PDE4B: variants seen among roughly 807,000 people sequenced by gnomAD.
The protein encoded by PDE4B is 3',5'-cyclic-AMP phosphodiesterase 4B.
A neutral mutation model predicts 82.2 loss-of-function variants in PDE4B; 20 were observed. That is an observed-to-expected ratio of 0.24 (90% CI 0.17 to 0.35). The LOEUF (loss-of-function observed/expected upper bound fraction) is 0.35, where lower values mean the gene tolerates loss of function less well. Among genes scored for constraint, PDE4B ranks in the 10% least tolerant of loss-of-function variants. PDE4B has a pLI of 1.00. For synonymous variants in PDE4B, 320 were observed against 318.9 expected (o/e 1.00, Z -0.04); for missense variants, 655 against 907.2 (o/e 0.72, Z 3.57).
chr1:66,131,136 CAA>C (rs1356342006), intron 3 of PDE4B, among the ~76,000 whole-genome samples: 15 of 152,054 alleles, frequency 9.9e-5, no homozygotes, highest in Admixed American at 7.2e-4. Flanking sequence ...CAAAATTAGT[CAA>C]AAGTGTTGTG....
chr1:65,885,401 C>T (rs1646761885), intron 1 of PDE4B, among the ~76,000 whole-genome samples: 1 of 152,124 alleles, frequency 6.6e-6, no homozygotes, highest in African/African-American at 2.4e-5. Context: ...GCTATAAAGA[C>T]ACATGCACAC....
intron 3 of PDE4B, among the ~76,000 whole-genome samples, chr1:66,048,120 G>T (rs145864429): frequency 6.6e-6 from 1 of 151,926 alleles, no homozygotes; most frequent in Non-Finnish European, 1.5e-5. Flanking sequence ...GAAAGCTCAC[G>T]GTTCTCTCAT....
intron 1 of PDE4B, among the ~76,000 whole-genome samples, chr1:65,875,848 G>A (rs1646634851): frequency 6.6e-6 from 1 of 151,596 alleles, no homozygotes; most frequent in Admixed American, 6.6e-5. Context: ...TATACCTAAT[G>A]TTGGATGACG....
intron 3 of PDE4B, among the ~76,000 whole-genome samples, chr1:65,983,026 C>A (rs1414368939): frequency 6.6e-6 from 1 of 152,126 alleles, no homozygotes; most frequent in Non-Finnish European, 1.5e-5. Context: ...TTCATGGGCC[C>A]AAAGGACAGA....
chr1:66,096,508 T>TTATATATA (rs4068855), intron 3 of PDE4B, among the ~76,000 whole-genome samples: 1,701 of 107,068 alleles, frequency 0.016, 41 homozygotes, highest in South Asian at 0.019. Flanking sequence ...GTAAAAAAAA[T>TTATATATA]TATATATATA....
At chr1:65,851,417 A>G (rs1433936153) in intron 1 of PDE4B, among the ~76,000 whole-genome samples, 1 of 152,072 alleles carries the variant, frequency 6.6e-6, no homozygotes, top group East Asian at 1.9e-4. Flanking sequence ...GACTCTATAG[A>G]TAAATTTAAA....
intron 7 of PDE4B, chr1:66,266,837 TC>T (rs1469492271): frequency 2.6e-6 from 1 of 386,682 alleles, no homozygotes; most frequent in African/African-American, 2.1e-5. Flanking sequence ...CTAAATCTGT[TC>T]CCTACTAATG....
intron 3 of PDE4B, among the ~76,000 whole-genome samples, chr1:66,096,509 T>TATATATATATATATATATATATA (rs1557557782): frequency 9.2e-3 from 28 of 3,052 alleles, no homozygotes; most frequent in African/African-American, 0.014. Flanking sequence ...TAAAAAAAAT[T>TATATATATATATATATATATATA]ATATATATAT....
intron 3 of PDE4B, among the ~76,000 whole-genome samples, chr1:66,133,215 T>C (rs1400468558): frequency 1.3e-5 from 2 of 152,196 alleles, no homozygotes; most frequent in African/African-American, 4.8e-5. Flanking sequence ...TACAGTGCTA[T>C]TCACATTTTC....
chr1:66,259,194 G>C (rs951158581), intron 6 of PDE4B, among the ~76,000 whole-genome samples: 1 of 151,908 alleles, frequency 6.6e-6, no homozygotes, highest in African/African-American at 2.4e-5. Context: ...TATTTATTTA[G>C]TACATACCAT....
intron 7 of PDE4B, 189 bp downstream of exon 7, chr1:66,266,276 A>G: frequency 3.3e-6 from 2 of 601,684 alleles, no homozygotes; most frequent in Admixed American, 2.7e-5. Context: ...CATTAAAAGC[A>G]GTACTAAATA....
intron 3 of PDE4B, among the ~76,000 whole-genome samples, chr1:66,041,817 CACACACACACAT>C (rs1481493436): frequency 1.2e-4 from 10 of 82,224 alleles, no homozygotes; most frequent in South Asian, 5.6e-4. Flanking sequence ...CACACACACA[CACACACACACAT>C]ACACACACAC....
chr1:66,065,071 T>G (rs192023674), intron 3 of PDE4B, among the ~76,000 whole-genome samples: 1 of 152,062 alleles, frequency 6.6e-6, no homozygotes, highest in Admixed American at 6.6e-5. Flanking sequence ...AACTTTTTCT[T>G]TCAAGATTTT....
At chr1:66,167,969 C>G (rs770112115) in intron 3 of PDE4B, among the ~76,000 whole-genome samples, 1 of 152,112 alleles carries the variant, frequency 6.6e-6, no homozygotes, top group Non-Finnish European at 1.5e-5. Context: ...CAGTCCTTCT[C>G]AAAAATTATA....
chr1:66,174,114 A>C (rs1304858750), intron 3 of PDE4B, among the ~76,000 whole-genome samples: 1 of 152,096 alleles, frequency 6.6e-6, no homozygotes, highest in Non-Finnish European at 1.5e-5. Context: ...TTTACCTACA[A>C]ATTTTTTCCT....
chr1:66,271,116 G>C (rs929775626), intron 7 of PDE4B, among the ~76,000 whole-genome samples: 1 of 152,186 alleles, frequency 6.6e-6, no homozygotes, highest in Non-Finnish European at 1.5e-5. Context: ...CTAAAATTAA[G>C]TATTGGTACT....
At chr1:66,174,445 C>G (rs1557610187) in intron 3 of PDE4B, among the ~76,000 whole-genome samples, 1 of 152,054 alleles carries the variant, frequency 6.6e-6, no homozygotes, top group African/African-American at 2.4e-5. Flanking sequence ...CTATATTCAT[C>G]CATTCTCACA....
intron 6 of PDE4B, among the ~76,000 whole-genome samples, chr1:66,265,246 G>A (rs905969267): frequency 1.3e-5 from 2 of 152,188 alleles, no homozygotes; most frequent in African/African-American, 4.8e-5. Flanking sequence ...AAATTTGAGA[G>A]CCCCGCTCAA....
intron 7 of PDE4B, among the ~76,000 whole-genome samples, chr1:66,270,929 C>T (rs1397055695): frequency 6.6e-6 from 1 of 152,196 alleles, no homozygotes; most frequent in African/African-American, 2.4e-5. Context: ...TTTAGACAGC[C>T]TGCATATAAA....
Sources: gnomAD v4.1 joint callset for allele counts (sites outside exome capture counted in the v4.1 genomes callset) on GRCh38, gnomAD v4.1.1 for gene constraint, MANE v1.5 for transcripts, NCBI Gene and HGNC (gene_info 2026-07-23, HGNC 2026-07-21) for gene names.